RTN4: variants seen among roughly 807,000 people sequenced by gnomAD.
RTN4 encodes the protein reticulon 4, also known as reticulon-4.
RTN4 carries 32 observed loss-of-function variants against 90.4 expected under a neutral mutation model. The ratio of observed to expected loss-of-function variants is 0.35; its 90% confidence interval spans 0.27 to 0.48. RTN4 has a LOEUF of 0.48. RTN4 is among the 20% of genes least tolerant of loss of function. The pLI is 0.99. For synonymous variants in RTN4, 629 were observed against 552.5 expected (o/e 1.14, Z -1.94); for missense variants, 1,706 against 1,430.2 (o/e 1.19, Z -3.11).
At chr2:55,049,229 G>T (rs763532685) in intron 1 of RTN4, 1 of 952,136 alleles carries the variant, frequency 1.1e-6, no homozygotes, top group Non-Finnish European at 1.3e-6. Flanking sequence ...GGCCACCCAC[G>T]CCAGCCAGGA....
At chr2:55,009,983 G>A in intron 3 of RTN4, 2 of 1,303,384 alleles carry the variant, frequency 1.5e-6, no homozygotes, top group Non-Finnish European at 2.2e-6. Flanking sequence ...ACTCTTCAGA[G>A]GTTTCACTTT....
rs1198000765 is a variant in RTN4, at chr2:55,050,280, A to G, written c.21T>C (p.Ser7=). The G allele has an allele frequency of 1.4e-6, 2 of 1,472,804 alleles. No individual in the cohort carries two copies. The highest frequency in any genetic ancestry group is 2.7e-5 in the East Asian group (1 of 37,170). The allele number at this position is 1,472,804 out of a possible 1,614,324, so 91.2% of individuals were successfully genotyped here. ...GGCTGTCCGAGGACGAGACCAGAGG[A>G]GACTGGTCCAGGTCTTCCATGGCTG... MEDLDQ[S]PLVSSSDSPP... Residue 7 remains serine (S), a synonymous_variant, in exon 1 of 9, where the codon TCT becomes TCC. Transcript: ENST00000337526. This position sits in a 1 kb window ranked among gnomAD's most constrained non-coding sequence, Gnocchi z 4.6.
chr2:55,130,098 A>T, the RTN4 span, among the ~76,000 whole-genome samples: 1 of 152,212 alleles, frequency 6.6e-6, no homozygotes, highest in African/African-American at 2.4e-5. Context: ...ATTGAAAACA[A>T]CCTGAATGTC....
chr2:55,034,995 A>C (rs1682577535), intron 1 of RTN4, among the ~76,000 whole-genome samples: 1 of 152,222 alleles, frequency 6.6e-6, no homozygotes, highest in Non-Finnish European at 1.5e-5. Context: ...AAAGAGGTAC[A>C]GCTAAAACCC....
intron 5 of RTN4, among the ~76,000 whole-genome samples, chr2:54,977,680 G>A (rs1677750003): frequency 6.6e-6 from 1 of 152,072 alleles, no homozygotes; most frequent in South Asian, 2.1e-4. Flanking sequence ...GGAAGCGAGG[G>A]GAGGGAGGAT....
At chr2:55,046,641 G>A (rs181032242) in intron 1 of RTN4, among the ~76,000 whole-genome samples, 50 of 152,272 alleles carry the variant, frequency 3.3e-4, no homozygotes, top group African/African-American at 1.2e-3. Flanking sequence ...TCCCAAGGGG[G>A]AGCATGTGTC....
At chr2:54,993,727 A>C (rs555700664) in intron 3 of RTN4, among the ~76,000 whole-genome samples, 2 of 152,372 alleles carry the variant, frequency 1.3e-5, no homozygotes, top group Admixed American at 6.5e-5. Context: ...GCTCTGGTGG[A>C]GCCATCAGAC....
intron 3 of RTN4, among the ~76,000 whole-genome samples, chr2:55,022,161 C>G (rs1378450676): frequency 1.3e-5 from 2 of 152,188 alleles, no homozygotes; most frequent in Admixed American, 1.3e-4. Context: ...CCACCATCTA[C>G]TAGAGGACTG....
At chr2:55,045,633 C>T (rs1437456328) in intron 1 of RTN4, among the ~76,000 whole-genome samples, 1 of 151,964 alleles carries the variant, frequency 6.6e-6, no homozygotes, top group African/African-American at 2.4e-5. Flanking sequence ...GGGTGAAAAA[C>T]AATAACTTTA....
At chr2:55,084,204 G>T (rs543948673) in intron 1 of RTN4, among the ~76,000 whole-genome samples, 1 of 152,194 alleles carries the variant, frequency 6.6e-6, no homozygotes, top group African/African-American at 2.4e-5. Context: ...CATGGAAGGT[G>T]GCATCCCCTA....
intron 1 of RTN4, among the ~76,000 whole-genome samples, chr2:55,104,198 G>A (rs1413136014): frequency 1.3e-5 from 2 of 150,416 alleles, no homozygotes; most frequent in African/African-American, 2.5e-5. Flanking sequence ...TTACAGACAC[G>A]CACCACCACA....
chr2:55,021,439 T>C (rs533572926), intron 3 of RTN4, among the ~76,000 whole-genome samples: 20 of 152,020 alleles, frequency 1.3e-4, no homozygotes, highest in African/African-American at 4.8e-4. Context: ...TAGAAGCATG[T>C]TAAAGCAACT....
At chr2:55,070,079 C>T (rs1668459843) in intron 2 of RTN4, among the ~76,000 whole-genome samples, 1 of 152,096 alleles carries the variant, frequency 6.6e-6, no homozygotes, top group South Asian at 2.1e-4. Flanking sequence ...CACCATTAAC[C>T]AAGGCAAAGA....
chr2:55,041,916 A>G (rs1051791010), intron 1 of RTN4, among the ~76,000 whole-genome samples: 1 of 152,080 alleles, frequency 6.6e-6, no homozygotes, highest in Non-Finnish European at 1.5e-5. Flanking sequence ...AACATACCAT[A>G]TGGTCAAAAT....
At position 55,028,230 on chromosome 2, in the gene RTN4, A is replaced by C; in HGVS notation, c.557-10T>G. On this transcript the variant is annotated splice_polypyrimidine_tract_variant and intron_variant, in intron 1 of 8. Coordinates refer to ENST00000337526, the MANE Select transcript of RTN4 (RefSeq NM_020532.5). ...GCAAAAAGGGTCTCATCTGAAAAAC[A>C]AATAGAATATAACCTCAGCAGAAAT... 1 of 1,611,222 alleles carries C rather than the reference A, an allele frequency of 6.2e-7. No homozygotes were observed. Among genetic ancestry groups the C allele is most frequent in the Non-Finnish European group, 8.5e-7 (1 of 1,177,994 alleles).
At chr2:55,046,323 T>G (rs553690745) in intron 1 of RTN4, among the ~76,000 whole-genome samples, 2 of 152,358 alleles carry the variant, frequency 1.3e-5, no homozygotes, top group Non-Finnish European at 2.9e-5. Flanking sequence ...TACCATTGCC[T>G]GTTAGAGACC....
chr2:55,024,529 A>G (rs1336839066), intron 3 of RTN4, among the ~76,000 whole-genome samples: 1 of 152,178 alleles, frequency 6.6e-6, no homozygotes, highest in Admixed American at 6.5e-5. Flanking sequence ...TAGTCAAAAG[A>G]AAAAAAGGAG....
chr2:55,115,243 C>T (rs956327717), upstream of RTN4, among the ~76,000 whole-genome samples: 6 of 152,162 alleles, frequency 3.9e-5, no homozygotes, highest in African/African-American at 1.4e-4. Flanking sequence ...GGTCTGTATT[C>T]CTTTCTACAA....
rs150961755 is a variant in RTN4 at position 55,016,116 on chromosome 2, C to A, written c.3013+8970G>T. 2.6e-5 allele frequency among the ~76,000 whole-genome samples: 4 copies of A among 152,250 alleles called. No homozygotes were observed. The East Asian group carries it at 7.7e-4, about 29-fold the overall frequency. Reference sequence around the variant, plus strand: ...TAAGGGTCCAACAATAGCAAAGTGACTGGTTAAACTATACCCATACTAAGG... The same window carrying A: ...TAAGGGTCCAACAATAGCAAAGTGAATGGTTAAACTATACCCATACTAAGG... On this transcript the variant is annotated intron_variant, in intron 3 of 8. Coordinates refer to ENST00000337526, the MANE Select transcript of RTN4 (RefSeq NM_020532.5).
Sources: allele counts gnomAD v4.1 joint callset (sites outside exome capture counted in the v4.1 genomes callset), GRCh38; gene constraint gnomAD v4.1.1; non-coding constraint Gnocchi (gnomAD v3.1); transcripts MANE v1.5; gene names NCBI Gene and HGNC (gene_info 2026-07-23, HGNC 2026-07-21).